HPSE2: variants seen among roughly 807,000 people sequenced by gnomAD.
HPSE2 encodes the protein inactive heparanase-2.
In HPSE2, 38 loss-of-function variants were observed where a neutral mutation model predicts 60.5. That is an observed-to-expected ratio of 0.63 (90% CI 0.48 to 0.82). The LOEUF is 0.82. HPSE2 is among the 40% of genes least tolerant of loss of function. The probability of loss-of-function intolerance (pLI) is 0.00; values close to 1 mark genes in which losing one functional copy is unlikely to be tolerated. For missense variants in HPSE2, 713 were observed against 740.4 expected (o/e 0.96, Z 0.43); for synonymous variants, 295 against 293.2 (o/e 1.01, Z -0.06).
intron 3 of HPSE2, among the ~76,000 whole-genome samples, chr10:99,005,036 T>C (rs201708412): frequency 6.6e-6 from 1 of 152,226 alleles, no homozygotes. Flanking sequence ...AACTCCCTTA[T>C]ATGTGATCTG....
chr10:98,693,313 C>T (rs1948127377), intron 6 of HPSE2, among the ~76,000 whole-genome samples: 1 of 152,166 alleles, frequency 6.6e-6, no homozygotes, highest in Non-Finnish European at 1.5e-5. Context: ...ATTTATTTAT[C>T]AGATAATTGT....
rs576642594 is a variant in HPSE2 at position 98,706,693 on chromosome 10, G to T, written c.957-12746C>A. Among the ~76,000 whole-genome samples the T allele has an allele frequency of 2.6e-5, 4 of 152,252 alleles. No homozygotes were observed. The East Asian group carries it at 7.7e-4, about 29-fold the overall frequency. ...GGAGGAGCAGCCCAGGCAAAGAACA[G>T]CATGAGCAAAACAAGGAAGAGTCAA... On this transcript the variant is annotated intron_variant, in intron 5 of 11. Transcript: ENST00000370552.
chr10:98,981,210 T>C (rs558130424), intron 3 of HPSE2, among the ~76,000 whole-genome samples: 3 of 152,330 alleles, frequency 2.0e-5, no homozygotes, highest in South Asian at 2.1e-4. Flanking sequence ...AATTCTTACC[T>C]GCCTGAGCTA....
chr10:98,582,254 A>T (rs1020577537), intron 9 of HPSE2, among the ~76,000 whole-genome samples: 2 of 152,208 alleles, frequency 1.3e-5, no homozygotes, highest in Admixed American at 1.3e-4. Flanking sequence ...GGACAAATGC[A>T]AGTTTTGGTT....
At chr10:98,944,487 T>C (rs1310589714) in intron 3 of HPSE2, among the ~76,000 whole-genome samples, 3 of 152,210 alleles carry the variant, frequency 2.0e-5, no homozygotes, top group East Asian at 1.9e-4. Context: ...TTATAGTTTA[T>C]ACTATTTCAG....
intron 6 of HPSE2, among the ~76,000 whole-genome samples, chr10:98,670,565 A>T (rs189516953): frequency 1.1e-3 from 165 of 152,304 alleles, no homozygotes; most frequent in East Asian, 7.2e-3. Flanking sequence ...ATTGTTTTAT[A>T]CTCAGTACCT....
intron 2 of HPSE2, among the ~76,000 whole-genome samples, chr10:99,166,514 G>A (rs1213255986): frequency 6.6e-6 from 1 of 151,950 alleles, no homozygotes; most frequent in East Asian, 1.9e-4. Context: ...AGTTATAGGG[G>A]TATCTCATTG....
chr10:98,525,003 C>A (rs1220635058), intron 9 of HPSE2, among the ~76,000 whole-genome samples: 1 of 152,176 alleles, frequency 6.6e-6, no homozygotes, highest in East Asian at 1.9e-4. Context: ...ATTTTGGGAC[C>A]TTTAATGGCA....
intron 4 of HPSE2, 79 bp downstream of exon 4, chr10:98,743,804 C>T (rs532546149): frequency 1.5e-6 from 2 of 1,291,542 alleles, no homozygotes; most frequent in East Asian, 2.3e-5. Flanking sequence ...TAGAGATGGT[C>T]TGATTGAGAC....
At chr10:99,208,676 T>A (rs1171232086) in intron 2 of HPSE2, among the ~76,000 whole-genome samples, 1 of 137,030 alleles carries the variant, frequency 7.3e-6, no homozygotes, top group Admixed American at 7.9e-5. Context: ...CAGAGTGAGA[T>A]CCAGTCTCAA....
chr10:99,299,014 G>A, the HPSE2 span, among the ~76,000 whole-genome samples: 2 of 152,062 alleles, frequency 1.3e-5, no homozygotes, highest in African/African-American at 4.8e-5. Flanking sequence ...GCTAACTTAA[G>A]GGCTAGCTGT....
At chr10:98,978,335 T>C (rs922962816) in intron 3 of HPSE2, among the ~76,000 whole-genome samples, 31 of 152,154 alleles carry the variant, frequency 2.0e-4, no homozygotes, top group Non-Finnish European at 1.6e-4. Context: ...AATGAAGTCA[T>C]AGAGAAGAGA....
intron 9 of HPSE2, among the ~76,000 whole-genome samples, chr10:98,561,726 C>T (rs1164630487): frequency 1.3e-5 from 2 of 152,082 alleles, no homozygotes; most frequent in Non-Finnish European, 2.9e-5. Flanking sequence ...CGGGCGCCTG[C>T]AATTCCAGCT....
intron 3 of HPSE2, among the ~76,000 whole-genome samples, chr10:98,924,022 T>G (rs1954370026): frequency 6.6e-6 from 1 of 152,202 alleles, no homozygotes; most frequent in Non-Finnish European, 1.5e-5. Context: ...CTTCACAGTC[T>G]GGGCTTATTT....
At chr10:99,185,960 A>G (rs913835401) in intron 2 of HPSE2, among the ~76,000 whole-genome samples, 3 of 152,118 alleles carry the variant, frequency 2.0e-5, no homozygotes, top group African/African-American at 4.8e-5. Context: ...GAAACTTGGT[A>G]TATGCATAAT....
chr10:98,731,550 C>A (rs1162487406), intron 4 of HPSE2, among the ~76,000 whole-genome samples: 3 of 152,154 alleles, frequency 2.0e-5, no homozygotes, highest in Non-Finnish European at 4.4e-5. Flanking sequence ...ACAACACCAC[C>A]AAAACTCATC....
chr10:99,047,750 G>T (rs1214143093), intron 3 of HPSE2: 1 of 858,206 alleles, frequency 1.2e-6, no homozygotes, highest in Admixed American at 1.7e-5. Context: ...AAAGAAGTTT[G>T]CCCAAAGGAT....
At chr10:98,665,752 A>G (rs1052589110) in intron 6 of HPSE2, among the ~76,000 whole-genome samples, 4 of 152,208 alleles carry the variant, frequency 2.6e-5, no homozygotes, top group Admixed American at 6.5e-5. Flanking sequence ...ATTGGTTATT[A>G]CCAGACCAGC....
intron 3 of HPSE2, among the ~76,000 whole-genome samples, chr10:98,969,875 G>A (rs905518702): frequency 4.6e-5 from 7 of 152,134 alleles, no homozygotes; most frequent in African/African-American, 1.7e-4. Flanking sequence ...GAGACCCCAG[G>A]AAGTTTCCAA....
Sources: gnomAD v4.1 joint callset for allele counts (sites outside exome capture counted in the v4.1 genomes callset) on GRCh38, gnomAD v4.1.1 for gene constraint, MANE v1.5 for transcripts, NCBI Gene and HGNC (gene_info 2026-07-23, HGNC 2026-07-21) for gene names.